The following EPB41L3 variants were observed in gnomAD, a reference collection of about 807,000 sequenced individuals.
The protein encoded by EPB41L3 is erythrocyte membrane protein band 4.1 like 3, also known as band 4.1-like protein 3.
EPB41L3 carries 57 observed loss-of-function variants against 127.1 expected under a neutral mutation model. The observed-to-expected ratio is 0.45, with a 90% CI of 0.36 to 0.56. The LOEUF is 0.56. EPB41L3 is among the 20% of genes least tolerant of loss of function. The pLI, the probability that EPB41L3 is intolerant of heterozygous loss-of-function variation, is 0.00. For missense variants in EPB41L3, 1,273 were observed against 1,372.2 expected (o/e 0.93, Z 1.14); for synonymous variants, 572 against 549.5 (o/e 1.04, Z -0.57).
Position 5,423,369 on chromosome 18 carries a change from G to C in EPB41L3, c.1339+9C>G, listed in dbSNP as rs1049674423. The stretch of plus-strand genomic sequence containing the variant: ...ACTAGGTTATTAAGGGCCAGTAAGC[G>C]ATGCCTACCTCCATCCAAGCTGCGA... On this transcript the variant is annotated intron_variant, in intron 11 of 22. Coordinates refer to ENST00000341928, the MANE Select transcript of EPB41L3 (RefSeq NM_012307.5). The C allele has an allele frequency of 6.3e-7, 1 of 1,591,858 alleles. No individual in the cohort carries two copies. The highest frequency in any genetic ancestry group is 1.3e-5 in the African/African-American group (1 of 74,380).
chr18:5,604,802 A>C (rs1036874507), intron 3 of EPB41L3, among the ~76,000 whole-genome samples: 8 of 152,056 alleles, frequency 5.3e-5, no homozygotes, highest in African/African-American at 1.9e-4. Context: ...CCCATGTTTC[A>C]TTTCCTCTCC....
At chr18:5,522,558 T>C (rs769448461) in intron 1 of EPB41L3, among the ~76,000 whole-genome samples, 1 of 152,198 alleles carries the variant, frequency 6.6e-6, no homozygotes, top group Non-Finnish European at 1.5e-5. Context: ...TTACAGCCTG[T>C]AGAAATTTCA....
At chr18:5,630,648 C>G (rs773689645), upstream of EPB41L3, 2 of 377,388 alleles carry the variant, frequency 5.3e-6, no homozygotes, top group African/African-American at 2.2e-5. Flanking sequence ...ACCTGCAGCG[C>G]GCTTCGGGCG....
chr18:5,441,708 C>T (rs896865683), intron 5 of EPB41L3, among the ~76,000 whole-genome samples: 1 of 152,172 alleles, frequency 6.6e-6, no homozygotes, highest in Non-Finnish European at 1.5e-5. Flanking sequence ...TCGTGATCCG[C>T]CCGTCTCGGC....
chr18:5,596,829 A>C (rs181029541), intron 3 of EPB41L3, among the ~76,000 whole-genome samples: 8 of 152,282 alleles, frequency 5.3e-5, no homozygotes, highest in Non-Finnish European at 7.4e-5. Context: ...ATAGCGTTTT[A>C]ATAATGAGGT....
chr18:5,561,171 G>T (rs980051575), intron 3 of EPB41L3, among the ~76,000 whole-genome samples: 1 of 151,620 alleles, frequency 6.6e-6, no homozygotes, highest in African/African-American at 2.4e-5. Flanking sequence ...TAGAGACGGG[G>T]TTTCACCGTA....
intron 3 of EPB41L3, among the ~76,000 whole-genome samples, chr18:5,569,344 G>A (rs1262786616): frequency 2.6e-5 from 4 of 152,136 alleles, no homozygotes; most frequent in African/African-American, 9.7e-5. Context: ...AATTACTGTC[G>A]CTGCTGTGTA....
chr18:5,622,912 G>C (rs1321821461), intron 1 of EPB41L3, among the ~76,000 whole-genome samples: 1 of 146,226 alleles, frequency 6.8e-6, no homozygotes, highest in East Asian at 2.0e-4. Context: ...TATACTGAAG[G>C]AGTTACAGAG....
intron 3 of EPB41L3, among the ~76,000 whole-genome samples, chr18:5,594,187 A>G (rs2094514930): frequency 6.6e-6 from 1 of 152,246 alleles, no homozygotes; most frequent in African/African-American, 2.4e-5. Context: ...GGCATAAGAA[A>G]TTATAAAAGT....
At chr18:5,462,492 G>A (rs1235540591) in intron 3 of EPB41L3, among the ~76,000 whole-genome samples, 3 of 152,062 alleles carry the variant, frequency 2.0e-5, no homozygotes, top group Non-Finnish European at 2.9e-5. Flanking sequence ...GCTTTTCTAC[G>A]CACTCTCTGT....
At chr18:5,449,500 G>GT (rs1410475218) in intron 3 of EPB41L3, among the ~76,000 whole-genome samples, 2 of 152,246 alleles carry the variant, frequency 1.3e-5, no homozygotes, top group Non-Finnish European at 2.9e-5. Flanking sequence ...AGTTGAAAAC[G>GT]TATGTCCACT....
chr18:5,416,562 C>T (rs548630389), intron 12 of EPB41L3, among the ~76,000 whole-genome samples, 184 bp from the exon 13 acceptor site: 8 of 152,320 alleles, frequency 5.3e-5, no homozygotes, highest in South Asian at 2.1e-4. Context: ...TTGCCACGAA[C>T]GGCTACATTT....
intron 1 of EPB41L3, among the ~76,000 whole-genome samples, chr18:5,532,255 C>T (rs565319073): frequency 1.3e-5 from 2 of 152,318 alleles, no homozygotes; most frequent in East Asian, 3.9e-4. Context: ...ATCTTGTTTA[C>T]TACTCATCCC....
chr18:5,407,115 A>C, intron 15 of EPB41L3, 147 bp from the exon 16 acceptor site: 1 of 653,230 alleles, frequency 1.5e-6, no homozygotes, highest in Non-Finnish European at 2.6e-6. Context: ...ACTACCACAA[A>C]CACTCTGGTG....
chr18:5,473,054 A>G (rs954925777), intron 3 of EPB41L3, among the ~76,000 whole-genome samples: 1 of 152,054 alleles, frequency 6.6e-6, no homozygotes. Flanking sequence ...ATTCCACTAC[A>G]GGCCACTAGA....
chr18:5,447,448 C>CTTTTTTTTTTT (rs10694622), intron 3 of EPB41L3, among the ~76,000 whole-genome samples: 1 of 114,130 alleles, frequency 8.8e-6, no homozygotes, highest in Admixed American at 1.0e-4. Flanking sequence ...AGCTAGACTA[C>CTTTTTTTTTTT]TTTTTTTTTT....
At chr18:5,470,208 A>C (rs1392052524) in intron 3 of EPB41L3, among the ~76,000 whole-genome samples, 2 of 152,208 alleles carry the variant, frequency 1.3e-5, no homozygotes, top group African/African-American at 4.8e-5. Context: ...TCACCAGTGA[A>C]ACAAAGCAGG....
chr18:5,560,598 C>T (rs928796540), intron 3 of EPB41L3, among the ~76,000 whole-genome samples: 21 of 152,228 alleles, frequency 1.4e-4, no homozygotes, highest in Admixed American at 7.2e-4. Context: ...TAGAGAACAC[C>T]GCAGGATGCC....
At position 5,394,885 on chromosome 18, in the gene EPB41L3, T is replaced by C. The variant is rs2073090825; in HGVS notation, c.3154-92A>G. 9 of 1,257,822 alleles carry C rather than the reference T, an allele frequency of 7.2e-6. No homozygotes were observed. In the South Asian group the frequency reaches 1.0e-4, roughly 14 times the overall value. 77.9% of individuals were successfully genotyped at this position (1,257,822 alleles called of 1,614,324 possible). A position where few individuals can be genotyped will look rare whatever the true frequency, so the allele number is the denominator to read the frequency against. ...GGTGGAGACTTATGAGCTAGATCTA[T>C]ATCCACAATTTACAAATGAGGTACA... On this transcript the variant is annotated intron_variant, in intron 21 of 22. Transcript: ENST00000341928.
Sources: gnomAD v4.1 joint callset for allele counts (sites outside exome capture counted in the v4.1 genomes callset) on GRCh38, gnomAD v4.1.1 for gene constraint, MANE v1.5 for transcripts, NCBI Gene and HGNC (gene_info 2026-07-23, HGNC 2026-07-21) for gene names.